NKAIN3: variants seen among roughly 807,000 people sequenced by gnomAD.
The protein encoded by NKAIN3 is sodium/potassium transporting ATPase interacting 3, also known as sodium/potassium-transporting ATPase subunit beta-1-interacting protein 3.
A neutral mutation model predicts 30.2 loss-of-function variants in NKAIN3; 25 were observed. The observed-to-expected ratio is 0.83, with a 90% CI of 0.60 to 1.16. NKAIN3 has a LOEUF of 1.16. NKAIN3 is among the 50% of genes most tolerant of loss of function. The pLI is 0.00. For missense variants in NKAIN3, 225 were observed against 254.1 expected (o/e 0.89, Z 0.78); for synonymous variants, 91 against 89.6 (o/e 1.02, Z -0.09).
intron 1 of NKAIN3, among the ~76,000 whole-genome samples, chr8:62,423,200 C>T (rs186504369): frequency 3.2e-3 from 492 of 152,190 alleles, no homozygotes; most frequent in African/African-American, 0.011. Context: ...TAGCCACTGA[C>T]TGGACTTCCT....
chr8:62,575,682 A>T (rs1477233850), intron 1 of NKAIN3, among the ~76,000 whole-genome samples: 1 of 152,064 alleles, frequency 6.6e-6, no homozygotes, highest in Non-Finnish European at 1.5e-5. Context: ...AAATAACAAA[A>T]TTGGAGGAAT....
intron 4 of NKAIN3, among the ~76,000 whole-genome samples, chr8:62,785,871 T>A (rs1563560515): frequency 6.6e-6 from 1 of 152,150 alleles, no homozygotes; most frequent in Non-Finnish European, 1.5e-5. Flanking sequence ...TTATTTCTCA[T>A]AAATCCAGTT....
intron 3 of NKAIN3, among the ~76,000 whole-genome samples, chr8:62,687,381 C>T (rs777454363): frequency 2.0e-5 from 3 of 152,188 alleles, no homozygotes; most frequent in Non-Finnish European, 4.4e-5. Context: ...TTTCTCCCAG[C>T]GTTGTGTCCA....
At chr8:62,520,079 CT>C (rs1171677185) in intron 1 of NKAIN3, among the ~76,000 whole-genome samples, 4 of 152,092 alleles carry the variant, frequency 2.6e-5, no homozygotes, top group Middle Eastern at 3.2e-3. Flanking sequence ...TTAAAATTAA[CT>C]TTTTTTGTAT....
chr8:62,468,962 T>A (rs1444478353), intron 1 of NKAIN3, among the ~76,000 whole-genome samples: 1 of 152,186 alleles, frequency 6.6e-6, no homozygotes, highest in Non-Finnish European at 1.5e-5. Flanking sequence ...TTCTTCCCAA[T>A]AATCAAATTT....
intron 1 of NKAIN3, among the ~76,000 whole-genome samples, chr8:62,433,031 A>G (rs1415363325): frequency 6.6e-6 from 1 of 152,162 alleles, no homozygotes; most frequent in African/African-American, 2.4e-5. Context: ...AAAAGGGATA[A>G]TCTTTAATTA....
At chr8:62,888,337 C>T (rs1821205278) in intron 4 of NKAIN3, among the ~76,000 whole-genome samples, 2 of 152,186 alleles carry the variant, frequency 1.3e-5, no homozygotes, top group African/African-American at 4.8e-5. Context: ...GGGGATTTTT[C>T]TCTAATACTC....
At chr8:62,402,974 A>G (rs992410135) in intron 1 of NKAIN3, among the ~76,000 whole-genome samples, 1 of 152,132 alleles carries the variant, frequency 6.6e-6, no homozygotes, top group Non-Finnish European at 1.5e-5. Flanking sequence ...GATGTGGGAA[A>G]CTTTGGAACT....
At chr8:62,991,960 C>T (rs1410005208) in intron 5 of NKAIN3, among the ~76,000 whole-genome samples, 2 of 150,142 alleles carry the variant, frequency 1.3e-5, no homozygotes, top group African/African-American at 2.5e-5. Context: ...CACTGAGACC[C>T]GGGGCCCATA....
At chr8:62,429,295 T>A (rs965247594) in intron 1 of NKAIN3, among the ~76,000 whole-genome samples, 1 of 151,902 alleles carries the variant, frequency 6.6e-6, no homozygotes, top group African/African-American at 2.4e-5. Flanking sequence ...TACACCCACT[T>A]TGTTGAGAGT....
chr8:62,550,296 A>G (rs1451694968), intron 1 of NKAIN3, among the ~76,000 whole-genome samples: 1 of 152,222 alleles, frequency 6.6e-6, no homozygotes, highest in Non-Finnish European at 1.5e-5. Flanking sequence ...CTAGGACAGC[A>G]CTTGGTGTAT....
At chr8:62,500,481 G>GAAAGAAAGAAAGA in intron 1 of NKAIN3, among the ~76,000 whole-genome samples, 1 of 123,058 alleles carries the variant, frequency 8.1e-6, no homozygotes, top group African/African-American at 3.1e-5. Context: ...AAGAAAGAAA[G>GAAAGAAAGAAAGA]AAAGAAGAAA....
chr8:62,354,824 G>A (rs1480764346), intron 1 of NKAIN3, among the ~76,000 whole-genome samples: 1 of 152,086 alleles, frequency 6.6e-6, no homozygotes, highest in African/African-American at 2.4e-5. Context: ...TTCCCACAGG[G>A]GACATAAAGA....
At position 62,870,656 on chromosome 8, in the gene NKAIN3, T is replaced by C. The variant is rs968257850; in HGVS notation, c.472-47797T>C. Among the ~76,000 whole-genome samples, 4 of 138,714 alleles carry C rather than the reference T, an allele frequency of 2.9e-5. No individual in the cohort carries two copies. In the East Asian group the frequency reaches 6.0e-4, roughly 21 times the overall value. The allele number at this position is 138,714 out of a possible 152,430, so 91.0% of individuals were successfully genotyped here. A position where few individuals can be genotyped will look rare whatever the true frequency, so the allele number is the denominator to read the frequency against. ...TCTATTTTATATATATATCTATATC[T>C]AGATATATATAGATATCTATATATC... On this transcript the variant is annotated intron_variant, in intron 4 of 6. Transcript: ENST00000623646.
At chr8:62,632,993 A>G (rs1249031132) in intron 3 of NKAIN3, among the ~76,000 whole-genome samples, 2 of 152,140 alleles carry the variant, frequency 1.3e-5, no homozygotes, top group African/African-American at 2.4e-5. Context: ...ACTTGGCTGC[A>G]GAGGCACAGC....
rs1341421665 is a variant in NKAIN3, at chr8:62,291,663, G to T, written c.54+42536G>T. On this transcript the variant is annotated intron_variant, in intron 1 of 6. Transcript: ENST00000623646. ...AGGAGTGCTTTACTTCGAACTATGT[G>T]GTCAATTTTGGAATAAGTGCAGTGT... 3.9e-5 allele frequency among the ~76,000 whole-genome samples: 6 copies of T among 152,214 alleles called. No homozygotes were observed. In the East Asian group the frequency reaches 9.7e-4, roughly 25 times the overall value.
chr8:62,321,694 T>TGTCTCAGAG (rs199670937), intron 1 of NKAIN3, among the ~76,000 whole-genome samples: 2,966 of 152,182 alleles, frequency 0.019, 93 homozygotes, highest in African/African-American at 0.066. Context: ...CTGTAAGTTT[T>TGTCTCAGAG]GTCTCAGAGG....
chr8:62,928,169 A>C (rs1339556550), intron 5 of NKAIN3, among the ~76,000 whole-genome samples: 1 of 152,232 alleles, frequency 6.6e-6, no homozygotes, highest in Admixed American at 6.5e-5. Flanking sequence ...AGTGTGAAAA[A>C]AAATAGGGAA....
intron 4 of NKAIN3, among the ~76,000 whole-genome samples, chr8:62,804,633 T>C (rs1818204714): frequency 6.6e-6 from 1 of 152,134 alleles, no homozygotes; most frequent in African/African-American, 2.4e-5. Flanking sequence ...ATAAATTAGG[T>C]ATTGATGGGA....
Sources: allele counts gnomAD v4.1 joint callset (sites outside exome capture counted in the v4.1 genomes callset), GRCh38; gene constraint gnomAD v4.1.1; transcripts MANE v1.5; gene names NCBI Gene and HGNC (gene_info 2026-07-23, HGNC 2026-07-21).